Variants in LNX2 observed in about 807,000 individuals in gnomAD.
LNX2 encodes ligand of numb-protein X 2.
In LNX2, 35 loss-of-function variants were observed where a neutral mutation model predicts 66.2. The observed-to-expected ratio is 0.53, with a 90% CI of 0.40 to 0.70. The LOEUF is 0.70. Ranked by LOEUF, LNX2 falls within the 30% of genes least tolerant of loss-of-function variation. LNX2 has a pLI of 0.00. For missense variants in LNX2, 791 were observed against 850.8 expected (o/e 0.93, Z 0.87); for synonymous variants, 337 against 315.6 (o/e 1.07, Z -0.72).
At chr13:27,568,672 T>A (rs981692064) in intron 3 of LNX2, among the ~76,000 whole-genome samples, 3 of 152,198 alleles carry the variant, frequency 2.0e-5, no homozygotes, top group Admixed American at 2.0e-4. Context: ...TAGCATTTAA[T>A]TGTGTTGTTC....
chr13:27,575,336 T>G (rs1335646090), intron 2 of LNX2, among the ~76,000 whole-genome samples: 17 of 152,190 alleles, frequency 1.1e-4, no homozygotes, highest in Admixed American at 1.1e-3. Context: ...ATGTGTCAAC[T>G]GAGTGGGCCA....
chr13:27,576,371 C>T (rs1369456522), intron 2 of LNX2, among the ~76,000 whole-genome samples: 1 of 152,024 alleles, frequency 6.6e-6, no homozygotes, highest in Non-Finnish European at 1.5e-5. Flanking sequence ...ACATTATTCC[C>T]AAGTACACAC....
chr13:27,565,999 ACT>A (rs141678325), intron 4 of LNX2, among the ~76,000 whole-genome samples: 3,397 of 152,098 alleles, frequency 0.022, 135 homozygotes, highest in African/African-American at 0.077. Flanking sequence ...ATTCAAATTC[ACT>A]CTTTTATTGA....
chr13:27,565,824 C>G lies in LNX2; in HGVS notation c.855+1816G>C, dbSNP rs1031516755. 2.0e-5 allele frequency among the ~76,000 whole-genome samples: 3 copies of G among 152,170 alleles called. No individual in the cohort carries two copies. In the South Asian group the frequency reaches 6.2e-4, roughly 31 times the overall value. On this transcript the variant is annotated intron_variant, in intron 4 of 9. Transcript: ENST00000316334. ...ATAATACACCATGAAAAGCAGCATACAAGCGGGAGTGGAAATCAAACCCAA... is the reference window on the plus strand; with the variant it reads ...ATAATACACCATGAAAAGCAGCATAGAAGCGGGAGTGGAAATCAAACCCAA...
At chr13:27,606,202 T>G (rs935539687) in intron 1 of LNX2, among the ~76,000 whole-genome samples, 6 of 152,188 alleles carry the variant, frequency 3.9e-5, no homozygotes. Context: ...AATCAAGCTT[T>G]TTAGCAGAAT....
intron 1 of LNX2, among the ~76,000 whole-genome samples, chr13:27,613,292 T>C (rs1955792341): frequency 6.7e-6 from 1 of 150,096 alleles, no homozygotes; most frequent in South Asian, 2.1e-4. Context: ...GAGGGTGAGG[T>C]GGAACAGAAG....
chr13:27,566,112 T>C (rs964981294), intron 4 of LNX2, among the ~76,000 whole-genome samples: 2 of 152,184 alleles, frequency 1.3e-5, no homozygotes, highest in Non-Finnish European at 2.9e-5. Context: ...CATGCCTACA[T>C]ACGTAAAATG....
At chr13:27,587,758 A>G (rs917678303) in intron 1 of LNX2, among the ~76,000 whole-genome samples, 3 of 151,904 alleles carry the variant, frequency 2.0e-5, no homozygotes, top group Non-Finnish European at 2.9e-5. Flanking sequence ...GCGGTGGCTC[A>G]CGCCTGTAAT....
chr13:27,551,228 A>G (rs1190362776), intron 8 of LNX2, among the ~76,000 whole-genome samples: 1 of 152,180 alleles, frequency 6.6e-6, no homozygotes, highest in Non-Finnish European at 1.5e-5. Context: ...TTGAGGCTGC[A>G]GTGAGCTATG....
chr13:27,619,656 G>A (rs1431323929), intron 1 of LNX2, among the ~76,000 whole-genome samples: 1 of 152,202 alleles, frequency 6.6e-6, no homozygotes, highest in Non-Finnish European at 1.5e-5. Flanking sequence ...ACAAACGAAC[G>A]TCTGGATTCA....
intron 6 of LNX2, among the ~76,000 whole-genome samples, chr13:27,558,183 G>A (rs1271049436): frequency 6.6e-6 from 1 of 151,936 alleles, no homozygotes; most frequent in African/African-American, 2.4e-5. Flanking sequence ...AGATTGTTTT[G>A]GTGAATGTGT....
intron 2 of LNX2, among the ~76,000 whole-genome samples, chr13:27,571,769 C>A (rs1213638767): frequency 2.0e-5 from 3 of 152,058 alleles, no homozygotes; most frequent in Admixed American, 6.6e-5. Flanking sequence ...GATAAAAGCT[C>A]ATGAATACAG....
chr13:27,593,542 G>GA (rs1955566345), intron 1 of LNX2, among the ~76,000 whole-genome samples: 1 of 147,442 alleles, frequency 6.8e-6, no homozygotes, highest in Admixed American at 6.8e-5. Flanking sequence ...CTCTCTCCTT[G>GA]AAACTCTTTG....
intron 6 of LNX2, among the ~76,000 whole-genome samples, chr13:27,558,851 C>A (rs1169284603): frequency 6.6e-6 from 1 of 152,044 alleles, no homozygotes; most frequent in Non-Finnish European, 1.5e-5. Context: ...CATATAAACC[C>A]AATGGGCCAA....
At chr13:27,568,620 G>C (rs1426924216) in intron 3 of LNX2, among the ~76,000 whole-genome samples, 1 of 151,906 alleles carries the variant, frequency 6.6e-6, no homozygotes, top group Non-Finnish European at 1.5e-5. Flanking sequence ...CATCTAAATA[G>C]CTAATACATA....
chr13:27,560,401 T>C (rs541625029), intron 5 of LNX2, among the ~76,000 whole-genome samples: 6 of 152,228 alleles, frequency 3.9e-5, no homozygotes, highest in East Asian at 1.9e-4. Flanking sequence ...ATTGTGACTT[T>C]TGAAATAAAT....
intron 1 of LNX2, among the ~76,000 whole-genome samples, chr13:27,584,489 C>G (rs1034236624): frequency 5.3e-5 from 8 of 151,368 alleles, no homozygotes; most frequent in African/African-American, 1.9e-4. Context: ...AGGAGTGAGG[C>G]CAGCCTGGCA....
chr13:27,603,905 C>G (rs1327815360), intron 1 of LNX2, among the ~76,000 whole-genome samples: 1 of 151,614 alleles, frequency 6.6e-6, no homozygotes, highest in Non-Finnish European at 1.5e-5. Flanking sequence ...TCATACCACT[C>G]TGCAATGCAC....
intron 7 of LNX2, among the ~76,000 whole-genome samples, chr13:27,553,943 C>T (rs146654462): frequency 6.6e-6 from 1 of 152,232 alleles, no homozygotes; most frequent in Non-Finnish European, 1.5e-5. Flanking sequence ...ATCCCTGGGC[C>T]CACATGAAGA....
Sources: allele counts gnomAD v4.1 joint callset (sites outside exome capture counted in the v4.1 genomes callset), GRCh38; gene constraint gnomAD v4.1.1; transcripts MANE v1.5; gene names NCBI Gene and HGNC (gene_info 2026-07-23, HGNC 2026-07-21).